Variants in MYLIP observed in about 807,000 individuals in gnomAD.
MYLIP encodes myosin regulatory light chain interacting protein, also known as E3 ubiquitin-protein ligase MYLIP.
In MYLIP, 26 loss-of-function variants were observed where a neutral mutation model predicts 45.8. The ratio of observed to expected loss-of-function variants is 0.57; its 90% CI spans 0.42 to 0.79. The LOEUF (loss-of-function observed/expected upper bound fraction) is 0.79. MYLIP is among the 30% of genes least tolerant of loss of function. The pLI, the probability that MYLIP is intolerant of heterozygous loss-of-function variation, is 0.00. For synonymous variants in MYLIP, 213 were observed against 218.1 expected (o/e 0.98, Z 0.21); for missense variants, 494 against 555.6 (o/e 0.89, Z 1.11).
At chr6:16,159,610 T>A in the MYLIP span, among the ~76,000 whole-genome samples, 4 of 152,322 alleles carry the variant, frequency 2.6e-5, no homozygotes, top group African/African-American at 9.6e-5. Context: ...ACCGTCCACC[T>A]GCCATAATAA....
chr6:16,147,296 G>T lies in MYLIP; in HGVS notation c.*545G>T, dbSNP rs1257710998. 6.5e-6 allele frequency: 1 copy of T among 153,406 alleles called. No individual in the cohort carries two copies. Among genetic ancestry groups the T allele is most frequent in the Non-Finnish European group, 1.5e-5 (1 of 68,584 alleles). The allele number at this position is 153,406 out of a possible 1,614,324, so 9.5% of individuals were successfully genotyped here. On this transcript the variant is annotated 3_prime_UTR_variant, in exon 7 of 7. Transcript: ENST00000356840. ...TCAAGAATGATTGGAAGGCAAACAGGTTTACAAATCAATTCTGTGACTTTT... is the reference window on the plus strand; with the variant it reads ...TCAAGAATGATTGGAAGGCAAACAGTTTTACAAATCAATTCTGTGACTTTT...
chr6:16,153,281 G>A, the MYLIP span, among the ~76,000 whole-genome samples: 3 of 152,268 alleles, frequency 2.0e-5, no homozygotes, highest in African/African-American at 7.2e-5. Context: ...GAAGAAAACG[G>A]TAGGATAAAA....
rs1398183245 is a variant in MYLIP at position 16,147,907 on chromosome 6, G to A, written c.*1156G>A. 6.6e-6 allele frequency: 1 copy of A among 152,584 alleles called. No homozygotes were observed. Among genetic ancestry groups the A allele is most frequent in the Non-Finnish European group, 1.5e-5 (1 of 68,040 alleles). 9.5% of individuals were successfully genotyped at this position (152,584 alleles called of 1,614,324 possible). ...CATTTTGGAAGCTGGTCAGCTAGCA[G>A]GTTTTCTGGGATGTCGGGAGACCTA... On this transcript the variant is annotated 3_prime_UTR_variant, in exon 7 of 7. Coordinates refer to ENST00000356840, the MANE Select transcript of MYLIP (RefSeq NM_013262.4).
chr6:16,151,863 A>T (rs1379920613), downstream of MYLIP, among the ~76,000 whole-genome samples: 1 of 152,234 alleles, frequency 6.6e-6, no homozygotes, highest in Non-Finnish European at 1.5e-5. Context: ...GGCAAGAAAA[A>T]CTTAAAGGGG....
At chr6:16,154,311 C>G in the MYLIP span, among the ~76,000 whole-genome samples, 9 of 152,204 alleles carry the variant, frequency 5.9e-5, no homozygotes, top group East Asian at 1.5e-3. Context: ...GGTATTTAAC[C>G]TAAATTTACA....
chr6:16,154,272 G>A, the MYLIP span, among the ~76,000 whole-genome samples: 1 of 152,142 alleles, frequency 6.6e-6, no homozygotes, highest in Non-Finnish European at 1.5e-5. Flanking sequence ...CTCCTTTTAA[G>A]AAGAAGCCAT....
At chr6:16,130,472 C>T in intron 1 of MYLIP, 85 bp from the exon 2 acceptor site, 2 of 1,357,132 alleles carry the variant, frequency 1.5e-6, no homozygotes, top group Non-Finnish European at 2.0e-6. Flanking sequence ...GTAAAAAGCA[C>T]CAGCAATCTT....
chr6:16,150,892 G>A (rs568821852), downstream of MYLIP, among the ~76,000 whole-genome samples: 7 of 152,194 alleles, frequency 4.6e-5, no homozygotes, highest in South Asian at 1.2e-3. Flanking sequence ...CGAATGCAAC[G>A]CTGGGAAGTT....
downstream of MYLIP, among the ~76,000 whole-genome samples, chr6:16,150,352 T>C (rs1759861525): frequency 6.6e-6 from 1 of 151,956 alleles, no homozygotes; most frequent in Non-Finnish European, 1.5e-5. Context: ...AAAGAGTGGG[T>C]GCATTTTCAG....
chr6:16,135,748 C>CATATATATAT (rs765116596), intron 2 of MYLIP, among the ~76,000 whole-genome samples: 1,550 of 112,926 alleles, frequency 0.014, 53 homozygotes, highest in East Asian at 0.057. Flanking sequence ...TGTGTGTATA[C>CATATATATAT]ATATATCTAT....
intron 2 of MYLIP, among the ~76,000 whole-genome samples, chr6:16,136,838 C>T (rs1736869394): frequency 6.6e-6 from 1 of 152,200 alleles, no homozygotes; most frequent in South Asian, 2.1e-4. Flanking sequence ...ATTGGCCTTT[C>T]ATGTATCTTT....
At chr6:16,161,755 A>G in the MYLIP span, among the ~76,000 whole-genome samples, 4 of 152,214 alleles carry the variant, frequency 2.6e-5, no homozygotes, top group African/African-American at 9.6e-5. Flanking sequence ...ATTTGACAAT[A>G]TTTCCTTATA....
downstream of MYLIP, among the ~76,000 whole-genome samples, chr6:16,153,111 A>C (rs1759897463): frequency 6.6e-6 from 1 of 152,204 alleles, no homozygotes; most frequent in African/African-American, 2.4e-5. Context: ...TCTTGTCCAT[A>C]GATCTTACTT....
At chr6:16,151,177 A>AT (rs1435223650), downstream of MYLIP, among the ~76,000 whole-genome samples, 1 of 151,014 alleles carries the variant, frequency 6.6e-6, no homozygotes, top group Admixed American at 6.6e-5. Context: ...GTGAAACCCC[A>AT]TCTCTGCTAA....
At position 16,130,713 on chromosome 6, in the gene MYLIP, G is replaced by C. The variant is rs1335005450; in HGVS notation, c.244G>C (p.Val82Leu). Residue 82 changes from valine (V) to leucine (L), a missense_variant, in exon 2 of 7, where the codon GTG becomes CTG. Val to Leu is a conservative substitution (Grantham distance 32). Transcript: ENST00000356840. ...YRLKLRVKFFVEPHLILQEQT... is the reference protein window; with the variant it reads ...YRLKLRVKFFLEPHLILQEQT... ...GCTTAAACTTAGAGTCAAGTTCTTC[G>C]TGGAGCCTCATCTCATCTTACAGGA... is the stretch of plus-strand genomic sequence containing the variant. 2 of 1,613,984 alleles carry C rather than the reference G, an allele frequency of 1.2e-6. No individual in the cohort carries two copies. Among genetic ancestry groups the C allele is most frequent in the East Asian group, 4.5e-5 (2 of 44,882 alleles).
downstream of MYLIP, among the ~76,000 whole-genome samples, chr6:16,152,781 T>C (rs1037872497): frequency 2.6e-5 from 4 of 152,114 alleles, no homozygotes; most frequent in African/African-American, 9.7e-5. Flanking sequence ...GAAGGTTGCA[T>C]TGGAGAGGAG....
In MYLIP at chr6:16,143,211, T is replaced by C. The variant is rs1012972007; in HGVS notation, c.656T>C (p.Ile219Thr). 8.7e-6 allele frequency: 14 copies of C among 1,614,096 alleles called. No homozygotes were observed. In the African/African-American group the frequency reaches 1.9e-4, roughly 22 times the overall value. The change falls in exon 4 of 7, where the codon ATT becomes ACT. Residue 219 changes from isoleucine (I) to threonine (T), a missense_variant. By Grantham distance (89) the Ile-to-Thr change is moderately conservative. Transcript: ENST00000356840. ...ISICKDDFSPINRIAYPVVQM... is the reference protein window; with the variant it reads ...ISICKDDFSPTNRIAYPVVQM... ...ATTTGTAAAGATGACTTTAGCCCAATTAATAGGTAAGCCAAGACTTAACTT... is the reference window on the plus strand; with the variant it reads ...ATTTGTAAAGATGACTTTAGCCCAACTAATAGGTAAGCCAAGACTTAACTT...
At chr6:16,136,147 G>A (rs867961645) in intron 2 of MYLIP, among the ~76,000 whole-genome samples, 2 of 152,082 alleles carry the variant, frequency 1.3e-5, no homozygotes, top group Admixed American at 6.6e-5. Context: ...AGCTGTGCTT[G>A]TTTAAATAAA....
Position 16,129,399 on chromosome 6 carries a change from G to T in MYLIP, c.77G>T (p.Cys26Phe). 6.3e-7 allele frequency: 1 copy of T among 1,588,088 alleles called. No homozygotes were observed. Among genetic ancestry groups the T allele is most frequent in the Non-Finnish European group, 8.6e-7 (1 of 1,167,688 alleles). ...GAGGCGAAAGCCAACGGCGAGGACT[G>T]CCTCAACCAGGTGAGGGCGAGGGGC... Reference protein sequence around the residue: ...EVEAKANGEDCLNQVCRRLGI... With the variant: ...EVEAKANGEDFLNQVCRRLGI... The change falls in exon 1 of 7, where the codon TGC (cysteine) becomes TTC (phenylalanine). Residue 26 changes from cysteine (C) to phenylalanine (F), a missense_variant. Cys to Phe is a radical substitution (Grantham distance 205). Transcript: ENST00000356840. This position sits in a 1 kb window ranked among gnomAD's most constrained non-coding sequence, Gnocchi z 5.1.
Sources: gnomAD v4.1 joint callset for allele counts (sites outside exome capture counted in the v4.1 genomes callset) on GRCh38, gnomAD v4.1.1 for gene constraint, Gnocchi (gnomAD v3.1) non-coding constraint, MANE v1.5 for transcripts, NCBI Gene and HGNC (gene_info 2026-07-23, HGNC 2026-07-21) for gene names.